TAF1: variants seen among roughly 807,000 people sequenced by gnomAD.
TAF1 encodes TATA-box binding protein associated factor 1, also known as transcription initiation factor TFIID subunit 1.
A neutral mutation model predicts 138.5 loss-of-function variants in TAF1; 2 were observed. The observed-to-expected ratio is 0.01, with a 90% CI of 0.01 to 0.05. The LOEUF (loss-of-function observed/expected upper bound fraction) is 0.05, where lower values mean the gene tolerates loss of function less well. Among genes scored for constraint, TAF1 ranks in the 10% least tolerant of loss-of-function variants. The pLI is 1.00. For missense variants in TAF1, 709 were observed against 1,478.0 expected, an observed-to-expected ratio of 0.48 and a Z score of 8.53; for synonymous variants, 437 against 503.2, an observed-to-expected ratio of 0.87 and a Z score of 1.76.
chrX:71,500,866 C>G (rs930971439), intron 13 of TAF1, among the ~76,000 whole-genome samples: 21 of 109,357 alleles, frequency 1.9e-4, no homozygotes, highest in South Asian at 3.9e-4. Flanking sequence ...AGTTCGAGAT[C>G]AGCCTGGCCA....
At chrX:71,428,936 T>C (rs2036731301) in intron 32 of TAF1, among the ~76,000 whole-genome samples, 1 of 111,860 alleles carries the variant, frequency 8.9e-6, no homozygotes, top group Admixed American at 9.5e-5. Flanking sequence ...GTTAGGATTG[T>C]CTTTGTTTTC....
intron 13 of TAF1, among the ~76,000 whole-genome samples, chrX:71,473,073 A>G (rs1413732315): frequency 8.9e-6 from 1 of 112,098 alleles, no homozygotes; most frequent in Non-Finnish European, 1.9e-5. Context: ...CACTTAGTAC[A>G]TGTGACAACT....
At chrX:71,409,671 A>C (rs1379317882) in intron 28 of TAF1, among the ~76,000 whole-genome samples, 1 of 110,940 alleles carries the variant, frequency 9.0e-6, no homozygotes, top group African/African-American at 3.3e-5. Flanking sequence ...GTACTACGTG[A>C]ATTTTAAAAC....
intron 18 of TAF1, among the ~76,000 whole-genome samples, chrX:71,392,290 C>T (rs1015062245): frequency 1.8e-5 from 2 of 111,314 alleles, no homozygotes; most frequent in East Asian, 2.8e-4. Context: ...AGGGATACCA[C>T]TGTTCTTTAT....
At chrX:71,503,885 C>A (rs1373579559) in intron 13 of TAF1, among the ~76,000 whole-genome samples, 1 of 110,777 alleles carries the variant, frequency 9.0e-6, no homozygotes, top group African/African-American at 3.3e-5. Context: ...TTCTCCTCCT[C>A]CTCTTCATTT....
chrX:71,379,102 GTGATT>G, intron 8 of TAF1, 71 bp downstream of exon 8: 1 of 532,004 alleles, frequency 1.9e-6, no homozygotes, highest in Non-Finnish European at 2.7e-6. Flanking sequence ...GGGCTCAGCT[GTGATT>G]TTTTTTTTTT....
At chrX:71,510,836 G>A (rs963529966) in intron 13 of TAF1, among the ~76,000 whole-genome samples, 2 of 112,007 alleles carry the variant, frequency 1.8e-5, no homozygotes, top group African/African-American at 6.5e-5. Context: ...GGGCACGATG[G>A]CTCACTCCTG....
Position 71,377,523 on chromosome X carries a change from A to G in TAF1, c.715-80A>G, listed in dbSNP as rs1602461763. 2.8e-6 allele frequency: 3 copies of G among 1,084,878 alleles called. No homozygotes were observed. The East Asian group carries it at 9.3e-5, about 34-fold the overall frequency. The allele number at this position is 1,084,878 out of a possible 1,213,427, so 89.4% of individuals were successfully genotyped here. On this transcript the variant is annotated intron_variant, in intron 5 of 37. Transcript: ENST00000423759. ...CCCCCACATTTGAAGAGATCTCTCAAGGGAGTTTTCAGGCCCAGATGCTGC... is the reference window on the plus strand; with the variant it reads ...CCCCCACATTTGAAGAGATCTCTCAGGGGAGTTTTCAGGCCCAGATGCTGC...
rs556240804 is a variant in TAF1 at position 71,471,330 on chromosome X, A to T, written c.1366+10527A>T. ...GCGAGACTCCGTCTAAAAAAAAAAA[A>T]AAATATATATATATATACACACACA... On this transcript the variant is annotated intron_variant and NMD_transcript_variant, in intron 13 of 14. Coordinates refer to the TAF1 transcript ENST00000373775. Among the ~76,000 whole-genome samples the T allele has an allele frequency of 1.1e-3, 110 of 103,271 alleles. No homozygotes were observed. The South Asian group carries it at 0.013, about 13-fold the overall frequency. The allele number at this position is 103,271 out of a possible 115,157, so 89.7% of individuals were successfully genotyped here. A position where few individuals can be genotyped will look rare whatever the true frequency, so the allele number is the denominator to read the frequency against.
chrX:71,459,535 C>G lies in TAF1; in HGVS notation c.5065-17C>G. The G allele has an allele frequency of 8.3e-7, 1 of 1,209,278 alleles. No individual in the cohort carries two copies. The highest frequency in any genetic ancestry group is 1.7e-5 in the African/African-American group (1 of 57,636). ...GGTCAGTTGATAGGACTTTGACCCC[C>G]AACTGGTCTCATTCAGGAAGGTGAA... On this transcript the variant is annotated splice_polypyrimidine_tract_variant and intron_variant, in intron 35 of 37. Coordinates refer to ENST00000423759, the MANE Select transcript of TAF1 (RefSeq NM_004606.5).
chrX:71,484,355 C>T (rs1168618352), intron 13 of TAF1, among the ~76,000 whole-genome samples: 26 of 103,183 alleles, frequency 2.5e-4, no homozygotes, highest in Non-Finnish European at 4.9e-4. Context: ...TTTTTTGAGA[C>T]GGGGTCTTGC....
intron 13 of TAF1, among the ~76,000 whole-genome samples, chrX:71,471,630 G>A (rs1327656238): frequency 9.2e-6 from 1 of 109,230 alleles, no homozygotes; most frequent in Non-Finnish European, 1.9e-5. Flanking sequence ...ACAAAGAATT[G>A]GACAAAAGGC....
chrX:71,378,528 T>C (rs1020467854), intron 7 of TAF1, 75 bp downstream of exon 7: 1 of 1,115,792 alleles, frequency 9.0e-7, no homozygotes, highest in Non-Finnish European at 1.2e-6. Flanking sequence ...TACTCTTTAA[T>C]TGGGGAGATA....
At chrX:71,488,239 CTTTTTTTTTTTTTT>C (rs368273639) in intron 13 of TAF1, among the ~76,000 whole-genome samples, 3 of 71,316 alleles carry the variant, frequency 4.2e-5, no homozygotes, top group African/African-American at 1.6e-4. Flanking sequence ...TAGGTGGTTT[CTTTTTTTTTTTTTT>C]TTTTTTTTGA....
intron 32 of TAF1, among the ~76,000 whole-genome samples, chrX:71,438,062 C>G (rs1026105289): frequency 2.7e-5 from 3 of 110,075 alleles, no homozygotes; most frequent in Non-Finnish European, 5.7e-5. Flanking sequence ...TCTCAAACTC[C>G]TGACCTCAGG....
At chrX:71,459,477 G>T (rs1172260981) in intron 35 of TAF1, 75 bp from the exon 36 acceptor site, 8 of 1,153,854 alleles carry the variant, frequency 6.9e-6, no homozygotes, top group African/African-American at 3.6e-5. Flanking sequence ...GGGAGGGGGG[G>T]TGTGCCTGGT....
intron 3 of TAF1, among the ~76,000 whole-genome samples, chrX:71,369,518 C>T (rs1402410119): frequency 9.0e-6 from 1 of 111,232 alleles, no homozygotes; most frequent in Non-Finnish European, 1.9e-5. Flanking sequence ...ATACAATTAG[C>T]TAGTAGTAGA....
intron 13 of TAF1, among the ~76,000 whole-genome samples, chrX:71,503,573 C>G (rs1316620760): frequency 9.1e-6 from 1 of 109,531 alleles, no homozygotes; most frequent in Non-Finnish European, 1.9e-5. Context: ...CTGTTGCTAT[C>G]AAGGGCAACT....
chrX:71,369,795 A>G (rs1202695158), intron 3 of TAF1, among the ~76,000 whole-genome samples: 1 of 101,198 alleles, frequency 9.9e-6, no homozygotes, highest in Non-Finnish European at 2.0e-5. Context: ...TTGTATTTTT[A>G]GTAGAGATGG....
Sources: allele counts gnomAD v4.1 joint callset (sites outside exome capture counted in the v4.1 genomes callset), GRCh38; gene constraint gnomAD v4.1.1; transcripts MANE v1.5; gene names NCBI Gene and HGNC (gene_info 2026-07-23, HGNC 2026-07-21).